Variants in RYR2 observed in about 807,000 individuals in gnomAD.
The protein encoded by RYR2 is cardiac muscle ryanodine receptor-calcium release channel.
In RYR2, 227 loss-of-function variants were observed where a neutral mutation model predicts 601.1. The observed-to-expected ratio is 0.38, with a 90% confidence interval of 0.34 to 0.42. The LOEUF is 0.42. Among genes scored for constraint, RYR2 ranks in the 10% least tolerant of loss-of-function variants. RYR2 has a pLI of 1.00. For synonymous variants in RYR2, 2,223 were observed against 2,175.1 expected (o/e 1.02, Z -0.61); for missense variants, 4,646 against 6,156.5 (o/e 0.75, Z 8.21).
At chr1:237,393,351 C>T (rs191857995) in intron 10 of RYR2, among the ~76,000 whole-genome samples, 22 of 152,156 alleles carry the variant, frequency 1.4e-4, no homozygotes, top group South Asian at 1.0e-3. Flanking sequence ...CCTCCATGCC[C>T]CCTTTTAATA....
chr1:237,569,755 T>C (rs1056544209), intron 29 of RYR2, among the ~76,000 whole-genome samples: 3 of 152,198 alleles, frequency 2.0e-5, no homozygotes, highest in African/African-American at 7.2e-5. Flanking sequence ...CTGTCCTATC[T>C]TTGTATAGAT....
In RYR2 at chr1:237,765,609, A is replaced by T. The variant is rs376003602; in HGVS notation, c.11476+4581A>T. Among the ~76,000 whole-genome samples, 53 of 152,258 alleles carry T rather than the reference A, an allele frequency of 3.5e-4. 1 individual carries two copies. The highest frequency in any genetic ancestry group is 1.2e-3 in the African/African-American group (50 of 41,560). On this transcript the variant is annotated intron_variant, in intron 84 of 104. Coordinates refer to ENST00000366574, the MANE Select transcript of RYR2 (RefSeq NM_001035.3). ...AAGTATTGGTTACCCTAACTTTTTGATACTCTTGATTGCTTAATTATTTAT... is the reference window on the plus strand; with the variant it reads ...AAGTATTGGTTACCCTAACTTTTTGTTACTCTTGATTGCTTAATTATTTAT...
At chr1:237,569,850 C>G (rs1427789465) in intron 29 of RYR2, among the ~76,000 whole-genome samples, 2 of 152,134 alleles carry the variant, frequency 1.3e-5, no homozygotes, top group Non-Finnish European at 2.9e-5. Flanking sequence ...GCAGAAAGCT[C>G]TGTGGAAGCA....
At position 237,408,041 on chromosome 1, in the gene RYR2, T is replaced by C. The variant is rs75744879; in HGVS notation, c.774-9008T>C. On this transcript the variant is annotated intron_variant, in intron 10 of 104. Transcript: ENST00000366574. ...TTTTATTCTCTTAATAGTGTTTTCT[T>C]GCAGATCAGAGGTTTTTAATTTTAA... Among the ~76,000 whole-genome samples the C allele has an allele frequency of 9.7e-3, 1,474 of 152,266 alleles. 15 individuals carry two copies. The highest frequency in any genetic ancestry group is 0.034 in the African/African-American group (1,408 of 41,566).
intron 5 of RYR2, among the ~76,000 whole-genome samples, chr1:237,366,132 T>A (rs576753280): frequency 1.0e-3 from 159 of 152,346 alleles, no homozygotes; most frequent in African/African-American, 3.7e-3. Flanking sequence ...GAAAAGGCAT[T>A]AACTTCTTAG....
At chr1:237,494,637 CAT>C (rs1311274098) in intron 19 of RYR2, among the ~76,000 whole-genome samples, 4 of 152,270 alleles carry the variant, frequency 2.6e-5, no homozygotes, top group African/African-American at 9.6e-5. Flanking sequence ...CAAATGAACA[CAT>C]AAATAAATGA....
intron 1 of RYR2, among the ~76,000 whole-genome samples, chr1:237,047,389 C>CTTTTTT (rs3056166): frequency 2.4e-5 from 3 of 123,712 alleles, no homozygotes; most frequent in Non-Finnish European, 4.9e-5. Flanking sequence ...CCTTTCTAGC[C>CTTTTTT]TTTTTTTTTT....
At chr1:237,358,686 T>C (rs1422912346) in intron 4 of RYR2, among the ~76,000 whole-genome samples, 1 of 151,994 alleles carries the variant, frequency 6.6e-6, no homozygotes, top group African/African-American at 2.4e-5. Flanking sequence ...CCCCATTTGC[T>C]TGTTGGCAGT....
intron 29 of RYR2, among the ~76,000 whole-genome samples, chr1:237,573,775 T>G (rs2779410): frequency 0.61 from 92,434 of 151,008 alleles, 29,994 homozygotes; most frequent in Non-Finnish European, 0.71. Context: ...TCACGCCACC[T>G]CACTCCAGCC....
chr1:237,430,499 A>T (rs939843483), intron 12 of RYR2, among the ~76,000 whole-genome samples: 4 of 152,126 alleles, frequency 2.6e-5, no homozygotes, highest in African/African-American at 9.7e-5. Flanking sequence ...GGAAGGATAT[A>T]CACTAATCAT....
At chr1:237,462,797 T>G (rs890088423) in intron 16 of RYR2, among the ~76,000 whole-genome samples, 1 of 152,212 alleles carries the variant, frequency 6.6e-6, no homozygotes, top group Non-Finnish European at 1.5e-5. Flanking sequence ...GCTTTAGACA[T>G]GCACAGATCG....
Position 237,784,624 on chromosome 1 carries a change from C to G in RYR2, c.12912C>G (p.Gly4304=), listed in dbSNP as rs1245462519. 6.2e-7 allele frequency: 1 copy of G among 1,613,678 alleles called. No homozygotes were observed. The highest frequency in any genetic ancestry group is 1.3e-5 in the African/African-American group (1 of 74,878). ...ACTTCGTGGCCAGCGTTTTCAGAGG[C>G]TTTTTCCGCATCATTTGCAGCCTGC... is the stretch of plus-strand genomic sequence containing the variant. ...LLHFVASVFR[G]FFRIICSLLL... is the part of the protein sequence containing the mutation. Residue 4304 remains glycine (G), a synonymous_variant, in exon 90 of 105, where the codon GGC becomes GGG. Transcript: ENST00000366574. The surrounding 1 kb of genome is among the most constrained non-coding windows in gnomAD (Gnocchi z 7.1).
intron 1 of RYR2, among the ~76,000 whole-genome samples, chr1:237,160,564 T>TA (rs1161256132): frequency 2.6e-5 from 4 of 152,108 alleles, no homozygotes; most frequent in Non-Finnish European, 5.9e-5. Flanking sequence ...TTTTGTTTTT[T>TA]AATGGAAGGG....
intron 56 of RYR2, among the ~76,000 whole-genome samples, chr1:237,661,940 G>T (rs191421328): frequency 1.3e-5 from 2 of 152,092 alleles, no homozygotes; most frequent in South Asian, 4.1e-4. Flanking sequence ...GCTTACCTTT[G>T]ACCCCCTCAT....
intron 1 of RYR2, among the ~76,000 whole-genome samples, chr1:237,181,789 T>C (rs1678789922): frequency 6.6e-6 from 1 of 152,194 alleles, no homozygotes; most frequent in South Asian, 2.1e-4. Context: ...CTGGATGATA[T>C]AGTTAGTTTT....
intron 1 of RYR2, among the ~76,000 whole-genome samples, chr1:237,262,251 T>TTTTTTTTTTTG (rs1688608435): frequency 9.6e-6 from 1 of 103,746 alleles, no homozygotes; most frequent in African/African-American, 5.4e-5. Context: ...AAGAGTTTTT[T>TTTTTTTTTTTG]TTTTTTTTTT....
intron 1 of RYR2, among the ~76,000 whole-genome samples, chr1:237,148,525 A>ATTT (rs1288744725): frequency 0.03 from 2,410 of 81,120 alleles, 85 homozygotes; most frequent in African/African-American, 0.11. Context: ...TAAAAAAAAA[A>ATTT]AAATATATAT....
intron 1 of RYR2, among the ~76,000 whole-genome samples, chr1:237,072,216 G>C (rs541421612): frequency 1.3e-5 from 2 of 152,336 alleles, no homozygotes; most frequent in Admixed American, 1.3e-4. Flanking sequence ...CCCCGGTTGT[G>C]CCTCCCCCGC....
At chr1:237,594,886 G>GTTTTTTTTGT (rs1675642723) in intron 33 of RYR2, among the ~76,000 whole-genome samples, 2 of 60,420 alleles carry the variant, frequency 3.3e-5, no homozygotes, top group East Asian at 1.8e-3. Context: ...ATATCACTGG[G>GTTTTTTTTGT]TTTTTTTTTT....
Sources: gnomAD v4.1 joint callset for allele counts (sites outside exome capture counted in the v4.1 genomes callset) on GRCh38, gnomAD v4.1.1 for gene constraint, Gnocchi (gnomAD v3.1) non-coding constraint, MANE v1.5 for transcripts, NCBI Gene and HGNC (gene_info 2026-07-23, HGNC 2026-07-21) for gene names.